The following CBFA2T3 variants were observed in gnomAD, a reference collection of about 807,000 sequenced individuals.
CBFA2T3 encodes the protein CBFA2/RUNX1 partner transcriptional co-repressor 3, also known as transcriptional corepressor CBFA2T3.
Under a neutral mutation model 58.6 loss-of-function variants are expected in CBFA2T3, and 31 were observed. The observed-to-expected ratio is 0.53, with a 90% CI of 0.40 to 0.71. The LOEUF (loss-of-function observed/expected upper bound fraction) is 0.71, where lower values mean the gene tolerates loss of function less well. Ranked by LOEUF, CBFA2T3 falls within the 30% of genes least tolerant of loss-of-function variation. The pLI is 0.00. For synonymous variants in CBFA2T3, 531 were observed against 421.9 expected, an observed-to-expected ratio of 1.26 and a Z score of -3.17; for missense variants, 1,076 against 963.1, an observed-to-expected ratio of 1.12 and a Z score of -1.55.
At chr16:88,914,656 G>A (rs1350622195) in intron 1 of CBFA2T3, among the ~76,000 whole-genome samples, 2 of 137,948 alleles carry the variant, frequency 1.4e-5, no homozygotes, top group Non-Finnish European at 3.0e-5. Context: ...CATCAAAGGT[G>A]CCATCAAAGG....
At chr16:88,976,013 G>A (rs530158435) in intron 1 of CBFA2T3, among the ~76,000 whole-genome samples, 28 of 152,340 alleles carry the variant, frequency 1.8e-4, no homozygotes, top group Admixed American at 3.3e-4. Context: ...CCCAGCGTCC[G>A]GGGATCCTTG....
chr16:88,879,066 G>T (rs1357489705), intron 11 of CBFA2T3, among the ~76,000 whole-genome samples: 1 of 152,214 alleles, frequency 6.6e-6, no homozygotes, highest in African/African-American at 2.4e-5. Flanking sequence ...ACAGAACGGG[G>T]ACATCCATAG....
rs940271840 is a variant in CBFA2T3, at chr16:88,960,299, G to A, written c.151+16358C>T. 6.6e-5 allele frequency among the ~76,000 whole-genome samples: 10 copies of A among 152,238 alleles called. 1 individual carries two copies. The highest frequency in any genetic ancestry group is 6.8e-3 in the Middle Eastern group (2 of 294). On this transcript the variant is annotated intron_variant, in intron 1 of 11. Transcript: ENST00000268679. ...GACGGCATCTGTGAAATGGGACTGC[G>A]TCACCTGCTCTGCTGAACTCACGGG... is the stretch of plus-strand genomic sequence containing the variant.
chr16:88,917,886 G>C (rs1970790746), intron 1 of CBFA2T3, among the ~76,000 whole-genome samples: 1 of 152,204 alleles, frequency 6.6e-6, no homozygotes. Flanking sequence ...GTGCGGACGA[G>C]AGTGTGGGGT....
In CBFA2T3 at chr16:88,958,222, T is replaced by G. The variant is rs2061352217; in HGVS notation, c.151+18435A>C. Among the ~76,000 whole-genome samples, 1 of 152,058 alleles carries G rather than the reference T, an allele frequency of 6.6e-6. No homozygotes were observed. On this transcript the variant is annotated intron_variant, in intron 1 of 11. Transcript: ENST00000268679. The surrounding 1 kb of genome is among the most constrained non-coding windows in gnomAD (Gnocchi z 4.0). ...AACCTATCCCGAGAGGAAAGGGCCC[T>G]GGGCACAGGCTATGGCAGAAGAGCT...
rs1227420472 is a variant in CBFA2T3, at chr16:88,890,729, C to T, written c.711+1153G>A. The stretch of plus-strand genomic sequence containing the variant: ...TCATTCATTCATTCATTCATTCATT[C>T]GTTCAGAGACAGGGTGTTGCTCTGT... On this transcript the variant is annotated intron_variant, in intron 5 of 11. Coordinates refer to ENST00000268679, the MANE Select transcript of CBFA2T3 (RefSeq NM_005187.6). Among the ~76,000 whole-genome samples, 7 of 152,262 alleles carry T rather than the reference C, an allele frequency of 4.6e-5. No homozygotes were observed. The South Asian group carries it at 6.2e-4, about 14-fold the overall frequency.
At chr16:88,952,240 G>A (rs1972092546) in intron 1 of CBFA2T3, among the ~76,000 whole-genome samples, 1 of 152,224 alleles carries the variant, frequency 6.6e-6, no homozygotes, top group Non-Finnish European at 1.5e-5. Context: ...CACTGACAAA[G>A]CCGTCTATCA....
chr16:88,889,573 T>C (rs918737033), intron 5 of CBFA2T3, among the ~76,000 whole-genome samples: 13 of 151,920 alleles, frequency 8.6e-5, no homozygotes, highest in African/African-American at 2.7e-4. Context: ...CTCCACTACC[T>C]GGGGGGAACC....
At position 88,892,236 on chromosome 16, in the gene CBFA2T3, C is replaced by T. The variant is rs757996421; in HGVS notation, c.621+8G>A. On this transcript the variant is annotated splice_region_variant and intron_variant, in intron 4 of 11. Coordinates refer to ENST00000268679, the MANE Select transcript of CBFA2T3 (RefSeq NM_005187.6). Reference sequence around the variant, plus strand: ...TCCCAAGGCCCCGGCTGTCCCTGCCCAACTCACCACCAGGCCCAGCACCAG... The same window carrying T: ...TCCCAAGGCCCCGGCTGTCCCTGCCTAACTCACCACCAGGCCCAGCACCAG... 165 of 1,605,322 alleles carry T rather than the reference C, an allele frequency of 1.0e-4. No individual in the cohort carries two copies. Among genetic ancestry groups the T allele is most frequent in the Non-Finnish European group, 1.4e-4 (160 of 1,177,438 alleles).
intron 1 of CBFA2T3, among the ~76,000 whole-genome samples, chr16:88,922,151 G>T (rs528856306): frequency 6.6e-6 from 1 of 152,236 alleles, no homozygotes; most frequent in African/African-American, 2.4e-5. Context: ...TTTGGGTGGG[G>T]GTACTTCCGG....
chr16:88,876,844 C>G lies in CBFA2T3; in HGVS notation c.*132G>C. 5.9e-6 allele frequency: 4 copies of G among 673,642 alleles called. No individual in the cohort carries two copies. The East Asian group carries it at 1.0e-4, about 17-fold the overall frequency. 41.7% of individuals were successfully genotyped at this position (673,642 alleles called of 1,614,324 possible). ...GCAGTAGCAGCAGTGACTAATTGGT[C>G]GGCTCCCCCAGGTCAGGCGGGGCGC... On this transcript the variant is annotated 3_prime_UTR_variant, in exon 12 of 12. Transcript: ENST00000268679.
At chr16:88,889,790 C>G (rs547282412) in intron 5 of CBFA2T3, among the ~76,000 whole-genome samples, 4 of 139,458 alleles carry the variant, frequency 2.9e-5, no homozygotes, top group Non-Finnish European at 6.2e-5. Flanking sequence ...CGACGCCACG[C>G]GATTCCTCCT....
intron 1 of CBFA2T3, among the ~76,000 whole-genome samples, chr16:88,931,928 C>G (rs1170254353): frequency 2.6e-5 from 4 of 152,102 alleles, no homozygotes; most frequent in Non-Finnish European, 5.9e-5. Flanking sequence ...GTGGAACATT[C>G]TCTGAGGCTG....
intron 1 of CBFA2T3, among the ~76,000 whole-genome samples, chr16:88,970,357 G>C (rs1308125911): frequency 6.6e-6 from 1 of 152,166 alleles, no homozygotes; most frequent in Non-Finnish European, 1.5e-5. Flanking sequence ...CTGAGGGCGC[G>C]GCTCTCGTCT....
At chr16:88,975,164 A>ACCTGCAGCCATGTCAGAGGTCCACCCTGG (rs1972798735) in intron 1 of CBFA2T3, among the ~76,000 whole-genome samples, 7 of 108,072 alleles carry the variant, frequency 6.5e-5, no homozygotes, top group Non-Finnish European at 1.4e-4. Flanking sequence ...GTCCACCCTG[A>ACCTGCAGCCATGTCAGAGGTCCACCCTGG]CCCTCTCTGC....
chr16:88,962,261 C>T (rs1428196498), intron 1 of CBFA2T3, among the ~76,000 whole-genome samples: 1 of 152,270 alleles, frequency 6.6e-6, no homozygotes, highest in Non-Finnish European at 1.5e-5. Flanking sequence ...GGCTTTCCCA[C>T]TCCATAGTAA....
intron 1 of CBFA2T3, among the ~76,000 whole-genome samples, chr16:88,904,841 T>C (rs944106425): frequency 1.3e-5 from 2 of 152,172 alleles, no homozygotes; most frequent in African/African-American, 2.4e-5. Context: ...TGAGCCTCAC[T>C]TTCCTTCCTC....
At chr16:88,905,763 G>A (rs1297554782) in intron 1 of CBFA2T3, among the ~76,000 whole-genome samples, 1 of 147,600 alleles carries the variant, frequency 6.8e-6, no homozygotes, top group Non-Finnish European at 1.5e-5. Flanking sequence ...GCTGAAGGAC[G>A]GTGGGGATGA....
chr16:88,952,492 G>A (rs993610280), intron 1 of CBFA2T3, among the ~76,000 whole-genome samples: 3 of 152,220 alleles, frequency 2.0e-5, no homozygotes, highest in East Asian at 1.9e-4. Flanking sequence ...CTTCTCCCAC[G>A]GGGCACCGAG....
Sources: gnomAD v4.1 joint callset for allele counts (sites outside exome capture counted in the v4.1 genomes callset) on GRCh38, gnomAD v4.1.1 for gene constraint, Gnocchi (gnomAD v3.1) non-coding constraint, MANE v1.5 for transcripts, NCBI Gene and HGNC (gene_info 2026-07-23, HGNC 2026-07-21) for gene names.